COA1: variants seen among roughly 807,000 people sequenced by gnomAD.
The protein encoded by COA1 is cytochrome c oxidase assembly factor 1.
In COA1, 13 loss-of-function variants were observed where a neutral mutation model predicts 16.0. The ratio of observed to expected loss-of-function variants is 0.81; its 90% CI spans 0.53 to 1.29. The LOEUF is 1.29. Ranked by LOEUF, COA1 falls within the 50% of genes most tolerant of loss-of-function variation. The pLI is 0.00. For missense variants in COA1, 179 were observed against 177.0 expected (o/e 1.01, Z -0.06); for synonymous variants, 65 against 65.7 (o/e 0.99, Z 0.05).
chr7:43,619,440 T>C (rs1178460924), intron 6 of COA1, among the ~76,000 whole-genome samples: 1 of 152,202 alleles, frequency 6.6e-6, no homozygotes, highest in Non-Finnish European at 1.5e-5. Flanking sequence ...GCCTTATACA[T>C]AGGCAATAAA....
chr7:43,612,773 C>A (rs1180629460), intron 6 of COA1, among the ~76,000 whole-genome samples: 2 of 150,410 alleles, frequency 1.3e-5, no homozygotes, highest in South Asian at 2.1e-4. Context: ...TGAAGACTGT[C>A]AGCCAAATAT....
chr7:43,645,195 G>C, intron 4 of COA1, 56 bp downstream of exon 4: 1 of 1,567,304 alleles, frequency 6.4e-7, no homozygotes, highest in East Asian at 2.3e-5. Flanking sequence ...GGAGACAGTA[G>C]ACTCTCCTCT....
downstream of COA1, among the ~76,000 whole-genome samples, chr7:43,635,421 G>A (rs566637854): frequency 9.0e-4 from 137 of 152,178 alleles, no homozygotes; most frequent in African/African-American, 3.0e-3. Context: ...CTTATGCTCC[G>A]TGTCCCACTG....
At chr7:43,629,842 G>A (rs574117750) in intron 6 of COA1, among the ~76,000 whole-genome samples, 9 of 152,326 alleles carry the variant, frequency 5.9e-5, no homozygotes, top group African/African-American at 1.2e-4. Context: ...CTGACTGCTC[G>A]TCAAGAACTT....
intron 1 of COA1, among the ~76,000 whole-genome samples, chr7:43,676,533 T>TA (rs2093525958): frequency 6.6e-6 from 1 of 152,110 alleles, no homozygotes; most frequent in Non-Finnish European, 1.5e-5. Flanking sequence ...GTGCAGAAGC[T>TA]AAAAAAAGTT....
chr7:43,725,281 T>C (rs1413191953), intron 1 of COA1, among the ~76,000 whole-genome samples: 5 of 151,710 alleles, frequency 3.3e-5, no homozygotes, highest in African/African-American at 4.8e-5. Context: ...TGGAGATAGA[T>C]GGTGGTTATG....
intron 1 of COA1, among the ~76,000 whole-genome samples, chr7:43,720,931 G>C (rs1467819326): frequency 6.6e-6 from 1 of 152,166 alleles, no homozygotes; most frequent in Non-Finnish European, 1.5e-5. Flanking sequence ...TCAGGATGCT[G>C]GCAATTAGAA....
intron 1 of COA1, among the ~76,000 whole-genome samples, chr7:43,691,476 A>G (rs2094365466): frequency 7.3e-6 from 1 of 137,590 alleles, no homozygotes; most frequent in South Asian, 2.3e-4. Context: ...AAAGAAAGAA[A>G]GAAATTATCA....
chr7:43,703,885 G>A (rs1208637602), intron 1 of COA1, among the ~76,000 whole-genome samples: 1 of 152,148 alleles, frequency 6.6e-6, no homozygotes, highest in African/African-American at 2.4e-5. Context: ...TTAGCTAGTT[G>A]TTATGTAGAT....
rs1554541882 is a variant in COA1, at chr7:43,691,265, A to AAAAGAAAAGAAAAGAAAAG, written c.-39+38163_-39+38164insCTTTTCTTTTCTTTTCTTT. ...CCTTGACTCAAAAAAAGAAAGAAAG[A>AAAAGAAAAGAAAAGAAAAG]AAAGAAAGAAAGAAAGAAAGAAAGA... On this transcript the variant is annotated intron_variant, in intron 1 of 5. Transcript: ENST00000223336. 1.0e-3 allele frequency among the ~76,000 whole-genome samples: 47 copies of AAAAGAAAAGAAAAGAAAAG among 45,914 alleles called. 1 individual carries two copies. The highest frequency in any genetic ancestry group is 5.5e-3 in the Admixed American group (19 of 3,472). 30.1% of individuals were successfully genotyped at this position (45,914 alleles called of 152,430 possible).
intron 1 of COA1, among the ~76,000 whole-genome samples, chr7:43,653,532 C>T (rs1356415584): frequency 6.6e-6 from 1 of 152,036 alleles, no homozygotes; most frequent in East Asian, 1.9e-4. Context: ...TTAGCGCTGA[C>T]TTTTTAACCA....
At chr7:43,686,784 A>G (rs2094054870) in intron 1 of COA1, among the ~76,000 whole-genome samples, 1 of 152,202 alleles carries the variant, frequency 6.6e-6, no homozygotes, top group Non-Finnish European at 1.5e-5. Flanking sequence ...TTCAGTTCAA[A>G]GCATGCTTGC....
intron 1 of COA1, among the ~76,000 whole-genome samples, chr7:43,706,399 T>C (rs751707202): frequency 6.6e-6 from 1 of 151,516 alleles, no homozygotes; most frequent in Non-Finnish European, 1.5e-5. Flanking sequence ...AATACAAAAA[T>C]TAACCAGACA....
intron 3 of COA1, chr7:43,646,324 T>C (rs2089283774): frequency 6.4e-6 from 2 of 312,672 alleles, no homozygotes; most frequent in South Asian, 2.6e-5. Flanking sequence ...TATTGAGTGA[T>C]TTCTATGGCT....
chr7:43,682,928 C>T (rs1048215278), intron 1 of COA1, among the ~76,000 whole-genome samples: 6 of 152,218 alleles, frequency 3.9e-5, no homozygotes, highest in Non-Finnish European at 8.8e-5. Flanking sequence ...TGGCTCACTG[C>T]AACCTCTGCC....
chr7:43,624,658 C>G (rs2084293864), intron 6 of COA1: 8 of 1,613,952 alleles, frequency 5.0e-6, no homozygotes, highest in Non-Finnish European at 6.8e-6. Context: ...GAAATTAATT[C>G]GGATACCGAC....
At chr7:43,695,800 T>C (rs1258050339) in intron 1 of COA1, among the ~76,000 whole-genome samples, 1 of 152,154 alleles carries the variant, frequency 6.6e-6, no homozygotes, top group African/African-American at 2.4e-5. Context: ...AATTTGGCAA[T>C]ACTAGTAAAA....
downstream of COA1, chr7:43,638,974 C>CAATT (rs1397128236): frequency 6.6e-6 from 1 of 152,252 alleles, no homozygotes; most frequent in East Asian, 1.9e-4. Flanking sequence ...GGAATAAAAA[C>CAATT]AATTATTTTG....
At chr7:43,624,774 G>C (rs753056472) in intron 6 of COA1, 3 of 1,612,738 alleles carry the variant, frequency 1.9e-6, no homozygotes, top group Non-Finnish European at 2.5e-6. Flanking sequence ...GGAGCAAAAG[G>C]CCATTTCCAA....
Sources: gnomAD v4.1 joint callset for allele counts (sites outside exome capture counted in the v4.1 genomes callset) on GRCh38, gnomAD v4.1.1 for gene constraint, MANE v1.5 for transcripts, NCBI Gene and HGNC (gene_info 2026-07-23, HGNC 2026-07-21) for gene names.